Variants in NSUN2 observed in about 807,000 individuals in gnomAD.
The protein encoded by NSUN2 is NOP2/Sun RNA methyltransferase 2, also known as RNA cytosine C(5)-methyltransferase NSUN2.
Under a neutral mutation model 92.7 loss-of-function variants are expected in NSUN2, and 63 were observed. That is an observed-to-expected ratio of 0.68 (90% CI 0.56 to 0.84). The LOEUF (loss-of-function observed/expected upper bound fraction) is 0.84, where lower values mean the gene tolerates loss of function less well. Among genes scored for constraint, NSUN2 ranks in the 40% least tolerant of loss-of-function variants. The probability of loss-of-function intolerance (pLI) is 0.00; values close to 1 mark genes in which losing one functional copy is unlikely to be tolerated. For missense variants in NSUN2, 989 were observed against 964.9 expected, an observed-to-expected ratio of 1.02 and a Z score of -0.33; for synonymous variants, 356 against 348.3, an observed-to-expected ratio of 1.02 and a Z score of -0.25.
intron 17 of NSUN2, 122 bp downstream of exon 17, chr5:6,604,016 T>C (rs1482453579): frequency 4.6e-6 from 4 of 866,094 alleles, no homozygotes; most frequent in Non-Finnish European, 7.2e-6. Flanking sequence ...TGGAAATTGA[T>C]GTAGCCATAA....
Position 6,605,227 on chromosome 5 carries a change from C to T in NSUN2, c.1737+46G>A, listed in dbSNP as rs147432963. The stretch of plus-strand genomic sequence containing the variant: ...AAATCTAAGCCGCTGTGAAAAGCCA[C>T]ACGCATCCCGCATCACACAGCACTC... On this transcript the variant is annotated intron_variant, in intron 15 of 18. Coordinates refer to ENST00000264670, the MANE Select transcript of NSUN2 (RefSeq NM_017755.6). 6.8e-5 allele frequency: 109 copies of T among 1,605,064 alleles called. No homozygotes were observed. In the East Asian group the frequency reaches 2.3e-3, roughly 35 times the overall value.
intron 15 of NSUN2, 198 bp from the exon 16 acceptor site, chr5:6,604,883 G>C (rs1034642714): frequency 4.9e-6 from 3 of 612,586 alleles, no homozygotes; most frequent in African/African-American, 3.7e-5. Context: ...TAAAGCAAAT[G>C]AAAGAAGGGC....
intron 18 of NSUN2, among the ~76,000 whole-genome samples, chr5:6,600,890 C>T (rs1736525261): frequency 6.6e-6 from 1 of 152,224 alleles, no homozygotes; most frequent in African/African-American, 2.4e-5. Context: ...CCCTGCCTCT[C>T]TGAACATGCT....
intron 3 of NSUN2, among the ~76,000 whole-genome samples, chr5:6,629,965 C>T (rs536479900): frequency 7.3e-4 from 111 of 152,330 alleles, no homozygotes; most frequent in African/African-American, 2.5e-3. Context: ...TTTCCTTTAT[C>T]TATACATTAC....
intron 2 of NSUN2, 69 bp from the exon 3 acceptor site, chr5:6,632,046 T>A: frequency 4.0e-6 from 5 of 1,255,390 alleles, no homozygotes; most frequent in Non-Finnish European, 5.7e-6. Flanking sequence ...CTTCTTAAAT[T>A]TAAGACTGCA....
chr5:6,631,962 A>C lies in NSUN2; in HGVS notation c.270T>G (p.Ile90Met). 3.1e-6 allele frequency: 5 copies of C among 1,612,898 alleles called. No homozygotes were observed. The highest frequency in any genetic ancestry group is 4.2e-6 in the Non-Finnish European group (5 of 1,179,376). Reference protein sequence around the residue: ...ITGYKSHAKEILHCLKNKYFK... With the variant: ...ITGYKSHAKEMLHCLKNKYFK... ...AATATTTGTTCTTTAAGCAATGGAG[A>C]ATCTCTTTTGCGTGGCTATTGAAAA... The change falls in exon 3 of 19, where the codon ATT (isoleucine) becomes ATG (methionine). Residue 90 changes from isoleucine (I) to methionine (M), a missense_variant. Transcript: ENST00000264670.
intron 12 of NSUN2, among the ~76,000 whole-genome samples, chr5:6,607,703 G>A (rs181384151): frequency 4.6e-5 from 7 of 152,232 alleles, no homozygotes; most frequent in East Asian, 3.9e-4. Flanking sequence ...ATCTGCTCTG[G>A]GTAAGGCACA....
Position 6,611,764 on chromosome 5 carries a change from C to T in NSUN2, c.1056G>A (p.Leu352=), listed in dbSNP as rs1737003157. Residue 352 remains leucine, a synonymous_variant, in exon 10 of 19, where the codon CTG becomes CTA. Transcript: ENST00000264670. ...ALELADVSNE[L]PGLKWMPGIT... The stretch of plus-strand genomic sequence containing the variant: ...TTCCAGGCATCCACTTCAGCCCTGG[C>T]AGTTCATTAGACACATCAGCAAGCT... The T allele has an allele frequency of 6.2e-7, 1 of 1,614,144 alleles. No individual in the cohort carries two copies. The highest frequency in any genetic ancestry group is 2.2e-5 in the East Asian group (1 of 44,886).
chr5:6,614,092 T>C (rs1254845362), intron 9 of NSUN2, among the ~76,000 whole-genome samples: 16 of 66,416 alleles, frequency 2.4e-4, no homozygotes, highest in Non-Finnish European at 3.3e-4. Flanking sequence ...CGAGACTGTC[T>C]CGGAAAAAAA....
chr5:6,621,856 T>C (rs1034102339), intron 6 of NSUN2, 160 bp downstream of exon 6: 2 of 610,246 alleles, frequency 3.3e-6, no homozygotes, highest in East Asian at 2.8e-5. Flanking sequence ...CTGACGGTGG[T>C]AGGCAAGATG....
intron 3 of NSUN2, among the ~76,000 whole-genome samples, chr5:6,627,516 C>T (rs939472758): frequency 2.0e-5 from 3 of 152,132 alleles, no homozygotes; most frequent in African/African-American, 7.2e-5. Context: ...ATACTTTGAA[C>T]AAATATAGCC....
chr5:6,628,087 C>A (rs1737725236), intron 3 of NSUN2, among the ~76,000 whole-genome samples: 1 of 152,180 alleles, frequency 6.6e-6, no homozygotes, highest in East Asian at 1.9e-4. Flanking sequence ...GTGGCTCATG[C>A]CTGTAACACC....
chr5:6,600,345 A>C (rs966194194), intron 18 of NSUN2, 113 bp from the exon 19 acceptor site: 4 of 907,478 alleles, frequency 4.4e-6, no homozygotes, highest in Non-Finnish European at 6.5e-6. Context: ...CATACCCACA[A>C]AACCCCCAAA....
intron 14 of NSUN2, among the ~76,000 whole-genome samples, 199 bp from the exon 15 acceptor site, chr5:6,605,607 C>T (rs923266140): frequency 1.3e-5 from 2 of 152,166 alleles, no homozygotes; most frequent in Non-Finnish European, 1.5e-5. Context: ...TTATTTGGGG[C>T]ACAACTCCAT....
intron 18 of NSUN2, among the ~76,000 whole-genome samples, 195 bp from the exon 19 acceptor site, chr5:6,600,427 A>G (rs879945333): frequency 2.6e-5 from 4 of 152,198 alleles, no homozygotes; most frequent in African/African-American, 9.7e-5. Context: ...TCATGTCCTG[A>G]GTAAAATTCT....
intron 15 of NSUN2, chr5:6,604,919 A>T (rs915090143): frequency 6.6e-6 from 4 of 603,336 alleles, no homozygotes; most frequent in Non-Finnish European, 1.2e-5. Context: ...TTCTAAGGGA[A>T]GTACCTCAAA....
chr5:6,632,999 G>A lies in NSUN2; in HGVS notation c.-20C>T, dbSNP rs1738004144. On this transcript the variant is annotated 5_prime_UTR_variant, in exon 1 of 19. Transcript: ENST00000264670. ...CCCCATAGCCCACGCGGCCGCGCACGCAGCACGCAGAAACCGGCCCGCCAC... is the reference window on the plus strand; with the variant it reads ...CCCCATAGCCCACGCGGCCGCGCACACAGCACGCAGAAACCGGCCCGCCAC... 3 of 1,430,184 alleles carry A rather than the reference G, an allele frequency of 2.1e-6. No individual in the cohort carries two copies. The highest frequency in any genetic ancestry group is 5.8e-5 in the East Asian group (2 of 34,738). The allele number at this position is 1,430,184 out of a possible 1,614,324, so 88.6% of individuals were successfully genotyped here. A position where few individuals can be genotyped will look rare whatever the true frequency, so the allele number is the denominator to read the frequency against.
Position 6,632,950 on chromosome 5 carries a change from G to T in NSUN2, c.30C>A (p.Leu10=). The change falls in exon 1 of 19, where the codon CTC becomes CTA. Residue 10 remains leucine (L), a synonymous_variant. Transcript: ENST00000264670. ...CGTCCTCCGGCCGCTGCTGTTGCTG[G>T]AGCCGCCGACCCCGCGACCGCCGCC... MGRRSRGRR[L]QQQQRPEDAE... The T allele has an allele frequency of 2.0e-6, 3 of 1,500,826 alleles. No individual in the cohort carries two copies. The highest frequency in any genetic ancestry group is 2.6e-6 in the Non-Finnish European group (3 of 1,133,116). 93.0% of individuals were successfully genotyped at this position (1,500,826 alleles called of 1,614,324 possible).
At chr5:6,622,231 G>A (rs1737476310) in intron 5 of NSUN2, 131 bp from the exon 6 acceptor site, 2 of 675,768 alleles carry the variant, frequency 3.0e-6, no homozygotes, top group African/African-American at 1.8e-5. Context: ...TCTATAGCAT[G>A]ACATAATTTA....
Sources: allele counts gnomAD v4.1 joint callset (sites outside exome capture counted in the v4.1 genomes callset), GRCh38; gene constraint gnomAD v4.1.1; transcripts MANE v1.5; gene names NCBI Gene and HGNC (gene_info 2026-07-23, HGNC 2026-07-21).